CDC14A: variants seen among roughly 807,000 people sequenced by gnomAD.
The protein encoded by CDC14A is dual specificity protein phosphatase CDC14A.
A neutral mutation model predicts 74.4 loss-of-function variants in CDC14A; 53 were observed. That is an observed-to-expected ratio of 0.71 (90% CI 0.57 to 0.89). The LOEUF (loss-of-function observed/expected upper bound fraction) is 0.89. CDC14A is among the 40% of genes least tolerant of loss of function. The pLI, the probability that CDC14A is intolerant of heterozygous loss-of-function variation, is 0.00. For synonymous variants in CDC14A, 247 were observed against 258.4 expected (o/e 0.96, Z 0.43); for missense variants, 646 against 713.7 (o/e 0.91, Z 1.08).
chr1:100,484,714 A>G (rs1258456734), intron 11 of CDC14A: 12 of 1,064,572 alleles, frequency 1.1e-5, no homozygotes, highest in Non-Finnish European at 1.4e-5. Flanking sequence ...GAAACAGAAA[A>G]GCAAACTTTC....
At chr1:100,347,614 C>A (rs1019539476), upstream of CDC14A, among the ~76,000 whole-genome samples, 2 of 152,080 alleles carry the variant, frequency 1.3e-5, no homozygotes. Context: ...ACTGTAATAA[C>A]TTTTTTATTA....
Position 100,475,307 on chromosome 1 carries a change from T to C in CDC14A, c.977+7213T>C, listed in dbSNP as rs1288728428. ...TTCCTATTTTGTCAGTTGTTTCATG[T>C]GTCTTTGTAATTGTTTGTTGGGGCA... is the stretch of plus-strand genomic sequence containing the variant. On this transcript the variant is annotated intron_variant, in intron 10 of 15. Transcript: ENST00000336454. Among the ~76,000 whole-genome samples the C allele has an allele frequency of 3.9e-5, 6 of 152,356 alleles. No homozygotes were observed. The East Asian group carries it at 1.2e-3, about 29-fold the overall frequency.
At chr1:100,420,120 G>GTTT (rs61463263) in intron 4 of CDC14A, among the ~76,000 whole-genome samples, 12 of 48,204 alleles carry the variant, frequency 2.5e-4, no homozygotes, top group Non-Finnish European at 3.1e-4. Context: ...TGCTGAAAAG[G>GTTT]TTTTTTTTTT....
At chr1:100,502,658 G>C (rs766586972) in intron 15 of CDC14A, among the ~76,000 whole-genome samples, 1 of 152,226 alleles carries the variant, frequency 6.6e-6, no homozygotes, top group African/African-American at 2.4e-5. Context: ...AATGCCAGTA[G>C]CATTGGTAGC....
At chr1:100,437,217 C>G (rs76511788) in intron 5 of CDC14A, among the ~76,000 whole-genome samples, 1 of 152,074 alleles carries the variant, frequency 6.6e-6, no homozygotes, top group East Asian at 1.9e-4. Context: ...TAGTGGGGTT[C>G]GGTAGATGCA....
intron 8 of CDC14A, among the ~76,000 whole-genome samples, chr1:100,456,621 A>T (rs1666723029): frequency 6.6e-6 from 1 of 151,160 alleles, no homozygotes; most frequent in South Asian, 2.1e-4. Context: ...CCTCGGCAAC[A>T]TAGCAAAACC....
intron 10 of CDC14A, among the ~76,000 whole-genome samples, chr1:100,471,889 T>C (rs1023156014): frequency 6.6e-6 from 1 of 152,128 alleles, no homozygotes; most frequent in Non-Finnish European, 1.5e-5. Context: ...CAGTGAAGCT[T>C]CTGGAAGATA....
intron 9 of CDC14A, among the ~76,000 whole-genome samples, chr1:100,467,062 A>G (rs1308576317): frequency 1.3e-5 from 2 of 152,092 alleles, no homozygotes; most frequent in Non-Finnish European, 2.9e-5. Context: ...ATATCTAAAG[A>G]GGCTCCTGGA....
intron 4 of CDC14A, among the ~76,000 whole-genome samples, chr1:100,398,091 T>A (rs965264948): frequency 2.3e-4 from 35 of 152,226 alleles, no homozygotes; most frequent in African/African-American, 8.2e-4. Context: ...AAACTCCTGT[T>A]TTTTTCATCT....
At chr1:100,393,727 G>A (rs377074644) in intron 4 of CDC14A, 106 of 365,674 alleles carry the variant, frequency 2.9e-4, no homozygotes, top group African/African-American at 2.1e-3. Context: ...AGGCTGAGGC[G>A]GGCGGATCAC....
At chr1:100,360,045 C>G (rs779627751) in intron 2 of CDC14A, among the ~76,000 whole-genome samples, 8 of 150,544 alleles carry the variant, frequency 5.3e-5, no homozygotes, top group African/African-American at 4.9e-5. Flanking sequence ...TGGGTTCAAC[C>G]GATTCTCGTG....
chr1:100,413,950 C>G (rs926813621), intron 4 of CDC14A, among the ~76,000 whole-genome samples: 2 of 152,142 alleles, frequency 1.3e-5, no homozygotes, highest in African/African-American at 4.8e-5. Context: ...TCTAATTTAG[C>G]TTTCCCTCAA....
intron 7 of CDC14A, among the ~76,000 whole-genome samples, chr1:100,453,837 T>A (rs888726876): frequency 3.9e-5 from 6 of 152,236 alleles, no homozygotes; most frequent in Non-Finnish European, 8.8e-5. Flanking sequence ...AGACGGGGTT[T>A]CACCATGTTG....
At chr1:100,439,783 A>G (rs772098007) in intron 5 of CDC14A, 149 bp from the exon 6 acceptor site, 5 of 604,480 alleles carry the variant, frequency 8.3e-6, no homozygotes, top group Non-Finnish European at 1.5e-5. Flanking sequence ...GTGGTAGTTA[A>G]TTAGTAGGAT....
chr1:100,484,206 TA>T, intron 10 of CDC14A, 85 bp from the exon 11 acceptor site: 2 of 659,506 alleles, frequency 3.0e-6, no homozygotes, highest in Non-Finnish European at 4.7e-6. Flanking sequence ...TTTTCCTTTA[TA>T]AGACATCATA....
chr1:100,409,816 ACT>A (rs777567192), intron 4 of CDC14A, among the ~76,000 whole-genome samples: 11 of 152,136 alleles, frequency 7.2e-5, no homozygotes, highest in Non-Finnish European at 1.6e-4. Context: ...ATATGTGATA[ACT>A]CTCCTAATAG....
At chr1:100,397,164 G>A (rs867085090) in intron 4 of CDC14A, among the ~76,000 whole-genome samples, 74 of 152,170 alleles carry the variant, frequency 4.9e-4, no homozygotes, top group African/African-American at 1.7e-3. Flanking sequence ...AGACCATCAT[G>A]TTCAGTGATC....
intron 5 of CDC14A, among the ~76,000 whole-genome samples, chr1:100,433,658 T>G (rs1663983873): frequency 6.6e-6 from 1 of 152,196 alleles, no homozygotes; most frequent in Non-Finnish European, 1.5e-5. Flanking sequence ...CTTCTTCGAG[T>G]AACTTCATTA....
intron 4 of CDC14A, among the ~76,000 whole-genome samples, chr1:100,396,733 C>G (rs1658551424): frequency 6.6e-6 from 1 of 152,178 alleles, no homozygotes; most frequent in Non-Finnish European, 1.5e-5. Flanking sequence ...TTAAAATGTA[C>G]AGCTCAGTGG....
Sources: allele counts gnomAD v4.1 joint callset (sites outside exome capture counted in the v4.1 genomes callset), GRCh38; gene constraint gnomAD v4.1.1; transcripts MANE v1.5; gene names NCBI Gene and HGNC (gene_info 2026-07-23, HGNC 2026-07-21).